Variants in SYNPR observed in about 807,000 individuals in gnomAD.
SYNPR encodes synaptoporin.
A neutral mutation model predicts 32.9 loss-of-function variants in SYNPR; 23 were observed. The ratio of observed to expected loss-of-function variants is 0.70; its 90% confidence interval spans 0.50 to 0.99. SYNPR has a LOEUF of 0.99. SYNPR is among the 50% of genes least tolerant of loss of function. The probability of loss-of-function intolerance (pLI) is 0.00; values close to 1 mark genes in which losing one functional copy is unlikely to be tolerated. For synonymous variants in SYNPR, 146 were observed against 135.9 expected (o/e 1.07, Z -0.52); for missense variants, 318 against 349.3 (o/e 0.91, Z 0.71).
the SYNPR span, among the ~76,000 whole-genome samples, chr3:63,210,660 G>T: frequency 6.6e-6 from 1 of 152,188 alleles, no homozygotes; most frequent in Non-Finnish European, 1.5e-5. Context: ...TAGGAATGAT[G>T]AAGAGAAGAA....
chr3:63,389,447 G>A (rs1367766718), intron 2 of SYNPR, among the ~76,000 whole-genome samples: 1 of 152,204 alleles, frequency 6.6e-6, no homozygotes, highest in Non-Finnish European at 1.5e-5. Context: ...TCAGTTCTGA[G>A]CAGAAAGGTG....
At chr3:63,385,555 C>T (rs919289516) in intron 2 of SYNPR, among the ~76,000 whole-genome samples, 6 of 152,194 alleles carry the variant, frequency 3.9e-5, no homozygotes, top group Non-Finnish European at 5.9e-5. Flanking sequence ...ACTCACTCAG[C>T]AAACTGGAAA....
At chr3:63,498,185 G>T (rs1320084788) in intron 3 of SYNPR, among the ~76,000 whole-genome samples, 3 of 152,258 alleles carry the variant, frequency 2.0e-5, no homozygotes, top group Middle Eastern at 3.4e-3. Flanking sequence ...CTATGTTTGC[G>T]ATCTAAGGGC....
At chr3:63,401,871 G>T (rs772246032) in intron 2 of SYNPR, among the ~76,000 whole-genome samples, 36 of 152,176 alleles carry the variant, frequency 2.4e-4, no homozygotes, top group Admixed American at 2.4e-3. Context: ...AACCCAATTT[G>T]TCATCCCTGG....
chr3:63,269,701 G>A (rs943517790), intron 3 of SYNPR, among the ~76,000 whole-genome samples: 6 of 152,096 alleles, frequency 3.9e-5, no homozygotes, highest in East Asian at 1.9e-4. Flanking sequence ...ACACAGAACC[G>A]ATATTCTAAG....
chr3:63,469,780 T>C (rs868513960), intron 2 of SYNPR, among the ~76,000 whole-genome samples: 26 of 152,324 alleles, frequency 1.7e-4, no homozygotes, highest in African/African-American at 5.8e-4. Context: ...TAAAGAGAGA[T>C]GTTGCCAAAA....
At chr3:63,540,128 A>G (rs1018305877) in intron 3 of SYNPR, among the ~76,000 whole-genome samples, 3 of 152,146 alleles carry the variant, frequency 2.0e-5, no homozygotes, top group Admixed American at 6.6e-5. Context: ...AACACTTATT[A>G]TGTGCCAGGC....
chr3:63,574,789 C>A (rs1702949908), intron 4 of SYNPR, among the ~76,000 whole-genome samples: 2 of 152,072 alleles, frequency 1.3e-5, no homozygotes. Context: ...GGTGTCCTAT[C>A]CCTCAGGGAA....
rs1265349959 is a variant in SYNPR, at chr3:63,603,491, A to G, written c.409-5634A>G. Among the ~76,000 whole-genome samples the G allele has an allele frequency of 1.3e-5, 2 of 152,150 alleles. 1 individual carries two copies. Among genetic ancestry groups the G allele is most frequent in the Middle Eastern group, 6.3e-3 (2 of 316 alleles). On this transcript the variant is annotated intron_variant, in intron 4 of 5. Transcript: ENST00000478300. ...TGTTGGCTGTGGGTTTGTCATAGAT[A>G]GCTCTTATTACTTTGAAGTATGTTT...
intron 3 of SYNPR, among the ~76,000 whole-genome samples, chr3:63,520,915 C>T (rs1056426383): frequency 1.1e-5 from 1 of 88,998 alleles, no homozygotes; most frequent in Non-Finnish European, 2.2e-5. Context: ...TCCATTGTGC[C>T]TCTTTGGGGC....
At chr3:63,278,596 G>A (rs752275881) in intron 1 of SYNPR, 45 bp downstream of exon 1, 12 of 1,550,682 alleles carry the variant, frequency 7.7e-6, no homozygotes, top group South Asian at 7.1e-5. Context: ...GCAGGGGGCG[G>A]GGGATGCCGC....
At chr3:63,502,890 G>A (rs1376298467) in intron 3 of SYNPR, among the ~76,000 whole-genome samples, 1 of 152,048 alleles carries the variant, frequency 6.6e-6, no homozygotes, top group Non-Finnish European at 1.5e-5. Flanking sequence ...GGACATCTAA[G>A]TTGCTTCCGA....
intron 2 of SYNPR, among the ~76,000 whole-genome samples, chr3:63,431,150 T>C (rs545262370): frequency 2.0e-5 from 3 of 152,330 alleles, no homozygotes; most frequent in Admixed American, 6.5e-5. Context: ...AGTGGACTTA[T>C]GAACTCACTG....
intron 4 of SYNPR, among the ~76,000 whole-genome samples, chr3:63,575,993 G>A (rs888953398): frequency 1.3e-5 from 2 of 151,974 alleles, no homozygotes; most frequent in Admixed American, 6.6e-5. Flanking sequence ...TTTATTATGA[G>A]CAAATACTAG....
intron 5 of SYNPR, among the ~76,000 whole-genome samples, chr3:63,610,008 T>C (rs1408743152): frequency 6.6e-6 from 1 of 152,148 alleles, no homozygotes; most frequent in East Asian, 1.9e-4. Flanking sequence ...GAAAACACTG[T>C]TCAAGCCACA....
Position 63,488,694 on chromosome 3 carries a change from G to C in SYNPR, c.209+7738G>C, listed in dbSNP as rs138099093. Among the ~76,000 whole-genome samples, 48 of 152,224 alleles carry C rather than the reference G, an allele frequency of 3.2e-4. No individual in the cohort carries two copies. The East Asian group carries it at 7.3e-3, about 23-fold the overall frequency. ...TCCCTGAGTTGCTATCATTGTTGTT[G>C]TTGTTATTATTAAGGAAGTCTAGTG... is the stretch of plus-strand genomic sequence containing the variant. On this transcript the variant is annotated intron_variant, in intron 3 of 5. Transcript: ENST00000478300.
chr3:63,283,810 CTTTTTTTTTTT>C (rs142282438), intron 2 of SYNPR, among the ~76,000 whole-genome samples: 1 of 87,136 alleles, frequency 1.1e-5, no homozygotes, highest in Non-Finnish European at 2.1e-5. Flanking sequence ...AGATAATTAC[CTTTTTTTTTTT>C]TTTTTTTTTT....
chr3:63,268,360 C>A (rs1282018675), intron 3 of SYNPR, among the ~76,000 whole-genome samples: 1 of 152,090 alleles, frequency 6.6e-6, no homozygotes, highest in Non-Finnish European at 1.5e-5. Context: ...ACAGTTGACC[C>A]TTGAATAACA....
intron 5 of SYNPR, among the ~76,000 whole-genome samples, chr3:63,613,442 A>C (rs551527034): frequency 6.6e-6 from 1 of 151,976 alleles, no homozygotes; most frequent in South Asian, 2.1e-4. Flanking sequence ...GTTCTCAATT[A>C]GTGTAAAAAG....
Sources: allele counts gnomAD v4.1 joint callset (sites outside exome capture counted in the v4.1 genomes callset), GRCh38; gene constraint gnomAD v4.1.1; transcripts MANE v1.5; gene names NCBI Gene and HGNC (gene_info 2026-07-23, HGNC 2026-07-21).